The following ANAPC1 variants were observed in gnomAD, a reference collection of about 807,000 sequenced individuals.
The protein encoded by ANAPC1 is anaphase-promoting complex subunit 1.
Under a neutral mutation model 208.0 loss-of-function variants are expected in ANAPC1, and 36 were observed. That is an observed-to-expected ratio of 0.17 (90% confidence interval 0.13 to 0.23). The LOEUF is 0.23. Among genes scored for constraint, ANAPC1 ranks in the 10% least tolerant of loss-of-function variants. ANAPC1 has a pLI of 1.00. For missense variants in ANAPC1, 942 were observed against 2,011.6 expected (o/e 0.47, Z 10.17); for synonymous variants, 378 against 695.2 (o/e 0.54, Z 7.18).
intron 3 of ANAPC1, among the ~76,000 whole-genome samples, chr2:111,877,863 G>A (rs1683100925): frequency 3.3e-5 from 5 of 151,946 alleles, no homozygotes; most frequent in Admixed American, 2.0e-4. Flanking sequence ...CTTATCTCAT[G>A]GTATTTTAAA....
In ANAPC1 at chr2:111,847,186, C is replaced by T. The variant is rs748591228; in HGVS notation, c.1804G>A (p.Gly602Ser). 6.2e-6 allele frequency: 10 copies of T among 1,610,048 alleles called. No homozygotes were observed. In the African/African-American group the frequency reaches 8.0e-5, roughly 13 times the overall value. The change falls in exon 16 of 48, where the codon GGC (glycine) becomes AGC (serine). Residue 602 changes from glycine to serine, a missense_variant. By Grantham distance (56) the Gly-to-Ser change is moderately conservative. Transcript: ENST00000341068. ...HNRVTLELSNGSMVRITIPEI... is the reference protein window; with the variant it reads ...HNRVTLELSNSSMVRITIPEI... ...GGAATAGTGATCCTAACCATGGAGC[C>T]ATTACTCAGTTCCTAGATGGAAACA...
intron 6 of ANAPC1, among the ~76,000 whole-genome samples, chr2:111,869,538 G>A (rs1431771591): frequency 2.0e-5 from 3 of 152,128 alleles, no homozygotes; most frequent in Non-Finnish European, 4.4e-5. Flanking sequence ...GGGCCACCGC[G>A]CCCGGCCAAA....
rs1676790699 is a variant in ANAPC1 at position 111,772,433 on chromosome 2, G to A, written c.5627C>T (p.Pro1876Leu). Residue 1876 changes from proline (P) to leucine (L), a missense_variant, in exon 47 of 48, where the codon CCC becomes CTC. By Grantham distance (98) the Pro-to-Leu change is moderately conservative. Transcript: ENST00000341068. The part of the protein sequence containing the change: ...MCVHAYLSGQ[P>L]LEESQLSMLA... ...CATGCTCAGCTGTGATTCCTCCAAG[G>A]GCTGCCCGCTGAGGTAGGCGTGCAC... 6.3e-7 allele frequency: 1 copy of A among 1,594,302 alleles called. No homozygotes were observed. Among genetic ancestry groups the A allele is most frequent in the Non-Finnish European group, 8.6e-7 (1 of 1,168,686 alleles).
At chr2:111,819,278 T>C (rs1317254062) in intron 26 of ANAPC1, 39 of 983,180 alleles carry the variant, frequency 4.0e-5, no homozygotes, top group Non-Finnish European at 4.6e-5. Context: ...TCCACTCCGA[T>C]GGATGCTAAC....
rs1416598194 is a variant in ANAPC1 at position 111,793,260 on chromosome 2, AG to A, written c.4519-706del. 5.3e-5 allele frequency among the ~76,000 whole-genome samples: 8 copies of A among 152,162 alleles called. No homozygotes were observed. The Middle Eastern group carries it at 0.014, about 259-fold the overall frequency. The stretch of plus-strand genomic sequence containing the variant: ...TGTTGTTGTTGTTTTTTTTGGAGAC[AG>A]GGTCTCTCACTCTGTCACCCAGGCT... On this transcript the variant is annotated intron_variant, in intron 37 of 47. Coordinates refer to ENST00000341068, the MANE Select transcript of ANAPC1 (RefSeq NM_022662.4).
chr2:111,863,718 G>T lies in ANAPC1; in HGVS notation c.1009C>A (p.Leu337Ile). 1 of 1,613,930 alleles carries T rather than the reference G, an allele frequency of 6.2e-7. No homozygotes were observed. Among genetic ancestry groups the T allele is most frequent in the Non-Finnish European group, 8.5e-7 (1 of 1,179,840 alleles). ...GAAATAGAAGGTGAGCGAGAATGTA[G>T]ACTGGGTGATGAGGTTGAGCGACTC... is the stretch of plus-strand genomic sequence containing the variant. ...SQSRSTSSPS[L>I]HSRSPSISNM... The change falls in exon 9 of 48, where the codon CTA becomes ATA. Residue 337 changes from leucine (L) to isoleucine (I), a missense_variant. Coordinates refer to ENST00000341068, the MANE Select transcript of ANAPC1 (RefSeq NM_022662.4).
intron 28 of ANAPC1, among the ~76,000 whole-genome samples, 187 bp downstream of exon 28, chr2:111,815,183 A>C (rs1299315505): frequency 3.6e-5 from 5 of 140,706 alleles, no homozygotes; most frequent in East Asian, 4.2e-4. Context: ...GGAGATCATT[A>C]ATTAAATGGC....
intron 8 of ANAPC1, among the ~76,000 whole-genome samples, chr2:111,864,218 C>T (rs867785635): frequency 1.3e-5 from 2 of 151,538 alleles, no homozygotes; most frequent in African/African-American, 2.4e-5. Context: ...CCTAGCTATT[C>T]GGAAGGCTGA....
At chr2:111,799,099 G>A (rs550043219) in intron 34 of ANAPC1, among the ~76,000 whole-genome samples, 4,244 of 150,678 alleles carry the variant, frequency 0.028, 60 homozygotes, top group African/African-American at 0.068. Flanking sequence ...CTCCAGCAAC[G>A]CAGTAATAAA....
chr2:111,832,994 A>G (rs1573419429), intron 20 of ANAPC1, among the ~76,000 whole-genome samples: 2 of 149,692 alleles, frequency 1.3e-5, no homozygotes, highest in South Asian at 4.2e-4. Context: ...GACTTTTGCA[A>G]GTCAGAACCT....
rs1306981438 is a variant in ANAPC1 at position 111,834,561 on chromosome 2, T to A, written c.2384+43A>T. 5.4e-6 allele frequency: 7 copies of A among 1,289,030 alleles called. No homozygotes were observed. In the South Asian group the frequency reaches 1.4e-4, roughly 26 times the overall value. 79.8% of individuals were successfully genotyped at this position (1,289,030 alleles called of 1,614,324 possible). A position where few individuals can be genotyped will look rare whatever the true frequency, so the allele number is the denominator to read the frequency against. ...GGTTCCTATATGGAAAAGACAGTCATCTCAGGACTTCCTGGCAGTTTCTAA... is the reference window on the plus strand; with the variant it reads ...GGTTCCTATATGGAAAAGACAGTCAACTCAGGACTTCCTGGCAGTTTCTAA... On this transcript the variant is annotated intron_variant, in intron 19 of 47. Transcript: ENST00000341068.
rs190026373 is a variant in ANAPC1, at chr2:111,882,693, C to T, written c.-25+1249G>A. On this transcript the variant is annotated intron_variant, in intron 1 of 47. Coordinates refer to ENST00000341068, the MANE Select transcript of ANAPC1 (RefSeq NM_022662.4). ...CAGAGGTTGCAGTGAGCCGAGATCG[C>T]GCCATTGTACTCCAGCCTGGGGGAC... Among the ~76,000 whole-genome samples, 191 of 149,380 alleles carry T rather than the reference C, an allele frequency of 1.3e-3. 1 individual carries two copies. The highest frequency in any genetic ancestry group is 4.4e-3 in the African/African-American group (176 of 40,440).
chr2:111,836,334 T>A (rs565441273), intron 18 of ANAPC1, among the ~76,000 whole-genome samples: 1 of 151,746 alleles, frequency 6.6e-6, no homozygotes, highest in South Asian at 2.1e-4. Context: ...ATGTGAATTT[T>A]AATTTAAAAG....
At position 111,828,900 on chromosome 2, in the gene ANAPC1, C is replaced by T. The variant is rs545073984; in HGVS notation, c.2625+2386G>A. ...AACATAACAATGTGAACGTATTCAA[C>T]GCCACTGGATTGTACACTCAAAAAT... On this transcript the variant is annotated intron_variant, in intron 21 of 47. Coordinates refer to ENST00000341068, the MANE Select transcript of ANAPC1 (RefSeq NM_022662.4). Among the ~76,000 whole-genome samples, 754 of 152,254 alleles carry T rather than the reference C, an allele frequency of 5.0e-3. 4 individuals are homozygous for T. The highest frequency in any genetic ancestry group is 0.017 in the African/African-American group (724 of 41,542).
rs528884871 is a variant in ANAPC1 at position 111,863,617 on chromosome 2, C to G, written c.1052+58G>C. 95 of 1,516,610 alleles carry G rather than the reference C, an allele frequency of 6.3e-5. No homozygotes were observed. In the South Asian group the frequency reaches 1.1e-3, roughly 17 times the overall value. The allele number at this position is 1,516,610 out of a possible 1,614,324, so 93.9% of individuals were successfully genotyped here. On this transcript the variant is annotated intron_variant, in intron 9 of 47. Coordinates refer to ENST00000341068, the MANE Select transcript of ANAPC1 (RefSeq NM_022662.4). ...CTAAAAACAGCTGTCAACAGAAATTCTAAATCCTTCAAAACAAAACAGAAA... is the reference window on the plus strand; with the variant it reads ...CTAAAAACAGCTGTCAACAGAAATTGTAAATCCTTCAAAACAAAACAGAAA...
chr2:111,852,238 A>T (rs903757020), intron 13 of ANAPC1, among the ~76,000 whole-genome samples: 4 of 149,910 alleles, frequency 2.7e-5, no homozygotes, highest in Non-Finnish European at 5.9e-5. Context: ...AAGAAGACAA[A>T]CTGGCTAGTA....
At chr2:111,819,451 T>C (rs1679400402) in intron 26 of ANAPC1, 1 of 215,268 alleles carries the variant, frequency 4.6e-6, no homozygotes, top group Non-Finnish European at 6.8e-6. Context: ...ACAAGGTCCT[T>C]GTGTTAGAGG....
chr2:111,865,377 G>A (rs11687672), intron 7 of ANAPC1, among the ~76,000 whole-genome samples: 88,129 of 151,686 alleles, frequency 0.58, 26,513 homozygotes, highest in South Asian at 0.69. Context: ...AGACAGTGCC[G>A]AACAGTACAC....
chr2:111,883,375 C>T (rs559954318), intron 1 of ANAPC1, among the ~76,000 whole-genome samples: 1 of 151,914 alleles, frequency 6.6e-6, no homozygotes, highest in East Asian at 1.9e-4. Context: ...CATTTTGTAC[C>T]GATTAATGCC....
Sources: gnomAD v4.1 joint callset for allele counts (sites outside exome capture counted in the v4.1 genomes callset) on GRCh38, gnomAD v4.1.1 for gene constraint, MANE v1.5 for transcripts, NCBI Gene and HGNC (gene_info 2026-07-23, HGNC 2026-07-21) for gene names.